ACCSL: variants seen among roughly 807,000 people sequenced by gnomAD.
ACCSL encodes the protein probable inactive 1-aminocyclopropane-1-carboxylate synthase-like protein 2.
In ACCSL, 55 loss-of-function variants were observed where a neutral mutation model predicts 61.7. The ratio of observed to expected loss-of-function variants is 0.89; its 90% CI spans 0.72 to 1.12. The LOEUF (loss-of-function observed/expected upper bound fraction) is 1.12, where lower values mean the gene tolerates loss of function less well. ACCSL is among the 50% of genes most tolerant of loss of function. The pLI, the probability that ACCSL is intolerant of heterozygous loss-of-function variation, is 0.00. For missense variants in ACCSL, 632 were observed against 698.0 expected (o/e 0.91, Z 1.07); for synonymous variants, 258 against 264.3 (o/e 0.98, Z 0.23).
At chr11:43,990,665 A>G in the ACCSL span, among the ~76,000 whole-genome samples, 7 of 152,154 alleles carry the variant, frequency 4.6e-5, no homozygotes, top group African/African-American at 1.7e-4. Context: ...AACACATTCC[A>G]CCCACTCCAA....
the ACCSL span, among the ~76,000 whole-genome samples, chr11:43,958,078 A>G: frequency 6.6e-6 from 1 of 152,232 alleles, no homozygotes; most frequent in Admixed American, 6.5e-5. Flanking sequence ...TATAGTTTAT[A>G]TAATAGCCCT....
At chr11:43,995,243 C>T in the ACCSL span, 11 of 152,080 alleles carry the variant, frequency 7.2e-5, no homozygotes, top group African/African-American at 1.9e-4. Context: ...TTGGGTGACC[C>T]GCTCAATAGA....
the ACCSL span, among the ~76,000 whole-genome samples, chr11:43,990,594 A>G: frequency 1.5e-4 from 23 of 152,198 alleles, no homozygotes; most frequent in African/African-American, 4.1e-4. Context: ...ATGCATTTAG[A>G]CCATAGCTCT....
the ACCSL span, among the ~76,000 whole-genome samples, chr11:44,023,998 A>G: frequency 2.0e-5 from 3 of 152,260 alleles, no homozygotes; most frequent in South Asian, 4.1e-4. Flanking sequence ...CTGTGTGTCA[A>G]TTTGACTGGG....
the ACCSL span, among the ~76,000 whole-genome samples, chr11:44,027,689 G>A: frequency 2.0e-5 from 3 of 152,158 alleles, no homozygotes; most frequent in Non-Finnish European, 4.4e-5. Context: ...TGATTTCTAA[G>A]CCCATGCCTC....
chr11:44,000,743 A>AAGAAAGAG, the ACCSL span, among the ~76,000 whole-genome samples: 1 of 151,860 alleles, frequency 6.6e-6, no homozygotes, highest in African/African-American at 2.4e-5. Context: ...GAAAGAAAGA[A>AAGAAAGAG]AGAAAGAAAA....
chr11:43,952,475 G>A, the ACCSL span, among the ~76,000 whole-genome samples: 1 of 152,178 alleles, frequency 6.6e-6, no homozygotes, highest in Non-Finnish European at 1.5e-5. Context: ...CCTGGGTCTG[G>A]TTAAATATCG....
chr11:44,005,939 A>G, the ACCSL span, among the ~76,000 whole-genome samples: 6 of 152,182 alleles, frequency 3.9e-5, no homozygotes, highest in Admixed American at 2.0e-4. Flanking sequence ...CCGCAATGCA[A>G]GGAATCTGCC....
the ACCSL span, among the ~76,000 whole-genome samples, chr11:43,946,701 C>T: frequency 1.3e-5 from 2 of 152,106 alleles, no homozygotes; most frequent in African/African-American, 4.8e-5. Context: ...TAAGTGAATG[C>T]CCCACTATTT....
At chr11:44,015,447 A>T in the ACCSL span, among the ~76,000 whole-genome samples, 1 of 152,192 alleles carries the variant, frequency 6.6e-6, no homozygotes, top group Admixed American at 6.5e-5. Flanking sequence ...GCCGTCTACC[A>T]GAGAGAAGAA....
the ACCSL span, chr11:43,971,327 T>C: frequency 6.6e-6 from 1 of 151,270 alleles, no homozygotes; most frequent in African/African-American, 2.4e-5. Flanking sequence ...GTAACATTAG[T>C]AGCTAATATT....
At chr11:43,997,437 G>A in the ACCSL span, among the ~76,000 whole-genome samples, 1 of 152,240 alleles carries the variant, frequency 6.6e-6, no homozygotes, top group African/African-American at 2.4e-5. Context: ...TGTTGGCTGA[G>A]GATTCAGCTT....
At chr11:44,036,326 C>G in the ACCSL span, among the ~76,000 whole-genome samples, 1 of 152,244 alleles carries the variant, frequency 6.6e-6, no homozygotes, top group Admixed American at 6.5e-5. Context: ...TGGATTCAGA[C>G]AGGTCTGCAG....
At chr11:43,940,640 G>A in the ACCSL span, among the ~76,000 whole-genome samples, 22 of 152,156 alleles carry the variant, frequency 1.4e-4, no homozygotes, top group Non-Finnish European at 2.5e-4. Context: ...GATTACAGGC[G>A]TGAGCCACCG....
At chr11:43,975,954 C>T in the ACCSL span, among the ~76,000 whole-genome samples, 6 of 152,232 alleles carry the variant, frequency 3.9e-5, no homozygotes, top group South Asian at 1.0e-3. Flanking sequence ...GCAGTGACTC[C>T]TTTGTGCCTC....
chr11:44,013,341 G>C, the ACCSL span, among the ~76,000 whole-genome samples: 13 of 152,130 alleles, frequency 8.5e-5, no homozygotes, highest in Admixed American at 8.5e-4. Flanking sequence ...GTGCAGTGGC[G>C]CAATCTCGGC....
chr11:43,933,209 G>A, the ACCSL span: 143 of 455,800 alleles, frequency 3.1e-4, 1 homozygote, highest in Non-Finnish European at 4.7e-4. Flanking sequence ...TAGGAGCAGC[G>A]AAACTTCTCA....
At position 44,056,250 on chromosome 11, in the gene ACCSL, T is replaced by G; in HGVS notation, c.1251T>G (p.Ala417=). Residue 417 remains alanine, a synonymous_variant, in exon 11 of 14, where the codon GCT becomes GCG. Coordinates refer to ENST00000378832, the MANE Select transcript of ACCSL (RefSeq NM_001031854.2). ...CCCACAACAAGGAGGTGGCCTCTGC[T>G]GTGAGTGCCTTTGGCTACCTCCACA... ...LYTHNKEVAS[A]VSAFGYLHSI... 6.2e-7 allele frequency: 1 copy of G among 1,614,238 alleles called. No homozygotes were observed. Among genetic ancestry groups the G allele is most frequent in the South Asian group, 1.1e-5 (1 of 91,088 alleles).
At chr11:43,967,555 A>AT in the ACCSL span, among the ~76,000 whole-genome samples, 8 of 151,920 alleles carry the variant, frequency 5.3e-5, no homozygotes, top group African/African-American at 1.9e-4. Context: ...TTTTATATCC[A>AT]TTTTTTGGCC....
Sources: allele counts gnomAD v4.1 joint callset (sites outside exome capture counted in the v4.1 genomes callset), GRCh38; gene constraint gnomAD v4.1.1; transcripts MANE v1.5; gene names NCBI Gene and HGNC (gene_info 2026-07-23, HGNC 2026-07-21).